The following CFAP61 variants were observed in gnomAD, a reference collection of about 807,000 sequenced individuals.
The protein encoded by CFAP61 is cilia- and flagella-associated protein 61.
In CFAP61, 107 loss-of-function variants were observed where a neutral mutation model predicts 135.6. That is an observed-to-expected ratio of 0.79 (90% CI 0.67 to 0.93). The LOEUF (loss-of-function observed/expected upper bound fraction) is 0.93, where lower values mean the gene tolerates loss of function less well. Among genes scored for constraint, CFAP61 ranks in the 40% least tolerant of loss-of-function variants. The pLI, the probability that CFAP61 is intolerant of heterozygous loss-of-function variation, is 0.00. For missense variants in CFAP61, 1,507 were observed against 1,556.2 expected (o/e 0.97, Z 0.53); for synonymous variants, 575 against 578.5 (o/e 0.99, Z 0.09).
At position 20,298,237 on chromosome 20, in the gene CFAP61, T is replaced by G. The variant is rs1447538163; in HGVS notation, c.3273T>G (p.Ile1091Met). ...ATGGGACTTACTTCCGAATTCATAT[T>G]AACAAGTATAAAATGGTGGAAACCA... ...AKNGTYFRIH[I>M]NKYKMVETIT... Residue 1091 changes from isoleucine (I) to methionine (M), a missense_variant, in exon 25 of 27, where the codon ATT (isoleucine) becomes ATG (methionine). Ile to Met is a conservative substitution (Grantham distance 10, BLOSUM62 1). Coordinates refer to ENST00000245957, the MANE Select transcript of CFAP61 (RefSeq NM_015585.4). 2 of 1,614,002 alleles carry G rather than the reference T, an allele frequency of 1.2e-6. No individual in the cohort carries two copies. Among genetic ancestry groups the G allele is most frequent in the Non-Finnish European group, 1.7e-6 (2 of 1,180,002 alleles).
chr20:20,312,273 A>G (rs980585179), intron 25 of CFAP61, among the ~76,000 whole-genome samples: 6 of 152,214 alleles, frequency 3.9e-5, no homozygotes, highest in Non-Finnish European at 5.9e-5. Context: ...AACTGTTACT[A>G]TAACTGCATT....
chr20:20,229,186 C>G (rs548536473), intron 18 of CFAP61, among the ~76,000 whole-genome samples: 6 of 152,274 alleles, frequency 3.9e-5, no homozygotes, highest in Admixed American at 6.5e-5. Context: ...TCCCCAGTCT[C>G]TCTCTCCATG....
In CFAP61 at chr20:20,178,882, A is replaced by C. The variant is rs34077422; in HGVS notation, c.1386-9048A>C. Among the ~76,000 whole-genome samples the C allele has an allele frequency of 9.8e-3, 1,496 of 152,026 alleles. 16 individuals carry two copies. Among genetic ancestry groups the C allele is most frequent in the Non-Finnish European group, 0.014 (945 of 67,962 alleles). ...TTTGTGGGTTTTATTTTCTTTCTTT[A>C]TTTATTTTTGATTTAAACTGAAATA... is the stretch of plus-strand genomic sequence containing the variant. On this transcript the variant is annotated intron_variant, in intron 13 of 26. Coordinates refer to ENST00000245957, the MANE Select transcript of CFAP61 (RefSeq NM_015585.4).
intron 7 of CFAP61, among the ~76,000 whole-genome samples, chr20:20,091,495 C>A (rs1315629562): frequency 1.0e-5 from 1 of 99,226 alleles, no homozygotes; most frequent in Non-Finnish European, 1.9e-5. Context: ...CTCTCTTTTT[C>A]TCTCTTGCTG....
At chr20:20,251,028 A>C (rs2050844494) in intron 19 of CFAP61, among the ~76,000 whole-genome samples, 1 of 152,116 alleles carries the variant, frequency 6.6e-6, no homozygotes, top group South Asian at 2.1e-4. Context: ...TGCGAACCTA[A>C]CTCCCTAATT....
intron 6 of CFAP61, among the ~76,000 whole-genome samples, chr20:20,081,112 C>T (rs2046402765): frequency 6.6e-6 from 1 of 152,070 alleles, no homozygotes; most frequent in African/African-American, 2.4e-5. Flanking sequence ...TTACAGGTTC[C>T]ATTTTAAATG....
At chr20:20,115,999 T>A (rs1055025091) in intron 8 of CFAP61, among the ~76,000 whole-genome samples, 23 of 152,170 alleles carry the variant, frequency 1.5e-4, no homozygotes, top group Non-Finnish European at 2.9e-4. Flanking sequence ...AGTTTTTTAG[T>A]TTTTTGAGGA....
At chr20:20,263,431 A>T (rs1201055827) in intron 21 of CFAP61, among the ~76,000 whole-genome samples, 1 of 152,214 alleles carries the variant, frequency 6.6e-6, no homozygotes, top group Non-Finnish European at 1.5e-5. Flanking sequence ...TTAAAGAATA[A>T]TTTAATAAGC....
chr20:20,080,128 G>T (rs1204264098), intron 6 of CFAP61, among the ~76,000 whole-genome samples: 1 of 152,010 alleles, frequency 6.6e-6, no homozygotes, highest in East Asian at 1.9e-4. Context: ...TTAATAAAAT[G>T]AATTCTAGTT....
At chr20:20,127,782 C>G (rs953315857) in intron 8 of CFAP61, among the ~76,000 whole-genome samples, 2 of 151,648 alleles carry the variant, frequency 1.3e-5, no homozygotes, top group Non-Finnish European at 2.9e-5. Context: ...CTTCAGCTAC[C>G]AGGGTGGGTA....
At chr20:20,344,569 A>G (rs1383412372) in intron 26 of CFAP61, among the ~76,000 whole-genome samples, 2 of 152,242 alleles carry the variant, frequency 1.3e-5, no homozygotes, top group African/African-American at 4.8e-5. Context: ...CACCCCAGTG[A>G]CAATGGCTTT....
chr20:20,214,475 G>T (rs549394324), intron 17 of CFAP61: 2 of 152,192 alleles, frequency 1.3e-5, no homozygotes, highest in African/African-American at 4.8e-5. Context: ...CGAGCAATAC[G>T]TATGTATTCA....
intron 21 of CFAP61, among the ~76,000 whole-genome samples, chr20:20,266,035 C>T (rs759240803): frequency 4.6e-5 from 7 of 152,210 alleles, no homozygotes; most frequent in Non-Finnish European, 8.8e-5. Flanking sequence ...ATTATACCCA[C>T]AGAGGCTCCC....
intron 26 of CFAP61, among the ~76,000 whole-genome samples, chr20:20,353,032 C>CTGT (rs1355260015): frequency 3.3e-5 from 5 of 152,308 alleles, no homozygotes; most frequent in Non-Finnish European, 7.4e-5. Context: ...AAACAACTCA[C>CTGT]TAACAGGAAA....
chr20:20,131,668 G>T (rs549029559), intron 8 of CFAP61, among the ~76,000 whole-genome samples: 1 of 150,042 alleles, frequency 6.7e-6, no homozygotes, highest in Non-Finnish European at 1.5e-5. Flanking sequence ...TTGTATTCCT[G>T]GGCTTATTTG....
intron 2 of CFAP61, among the ~76,000 whole-genome samples, chr20:20,068,736 T>A (rs1306954679): frequency 6.6e-6 from 1 of 152,188 alleles, no homozygotes; most frequent in Non-Finnish European, 1.5e-5. Context: ...GTTACATCTT[T>A]ATAGTTACCT....
intron 18 of CFAP61, among the ~76,000 whole-genome samples, chr20:20,229,051 C>T (rs1355471120): frequency 1.3e-5 from 2 of 152,230 alleles, no homozygotes; most frequent in African/African-American, 4.8e-5. Context: ...AGGTAAAACC[C>T]TTCAGGGAAT....
At chr20:20,168,355 C>A (rs1907789658) in intron 12 of CFAP61, among the ~76,000 whole-genome samples, 1 of 152,138 alleles carries the variant, frequency 6.6e-6, no homozygotes, top group South Asian at 2.1e-4. Flanking sequence ...GAGAACTGTG[C>A]CTGGGCAAAT....
chr20:20,111,527 T>C (rs1344894753), intron 8 of CFAP61, among the ~76,000 whole-genome samples: 1 of 152,192 alleles, frequency 6.6e-6, no homozygotes, highest in African/African-American at 2.4e-5. Flanking sequence ...CCTTATTTCC[T>C]TAAAGCTATC....
Sources: allele counts gnomAD v4.1 joint callset (sites outside exome capture counted in the v4.1 genomes callset), GRCh38; gene constraint gnomAD v4.1.1; transcripts MANE v1.5; gene names NCBI Gene and HGNC (gene_info 2026-07-23, HGNC 2026-07-21).